Variants in CTDSPL2 observed in about 807,000 individuals in gnomAD.
CTDSPL2 encodes the protein CTD small phosphatase-like protein 2.
Under a neutral mutation model 60.0 loss-of-function variants are expected in CTDSPL2, and 5 were observed. That is an observed-to-expected ratio of 0.08 (90% CI 0.04 to 0.18). The LOEUF (loss-of-function observed/expected upper bound fraction) is 0.18. Among genes scored for constraint, CTDSPL2 ranks in the 10% least tolerant of loss-of-function variants. The pLI is 1.00. For missense variants in CTDSPL2, 370 were observed against 548.8 expected (o/e 0.67, Z 3.26); for synonymous variants, 186 against 189.3 (o/e 0.98, Z 0.14).
intron 8 of CTDSPL2, among the ~76,000 whole-genome samples, chr15:44,500,816 A>G (rs2081371401): frequency 6.6e-6 from 1 of 152,148 alleles, no homozygotes; most frequent in South Asian, 2.1e-4. Flanking sequence ...GAGTTGTAAG[A>G]GGATTTATTT....
At chr15:44,514,244 T>C (rs2081613467) in intron 8 of CTDSPL2, among the ~76,000 whole-genome samples, 1 of 152,228 alleles carries the variant, frequency 6.6e-6, no homozygotes, top group African/African-American at 2.4e-5. Context: ...AATAATTGGA[T>C]GGATGCTACC....
chr15:44,514,630 A>G lies in CTDSPL2; in HGVS notation c.1002A>G (p.Glu334=). The change falls in exon 9 of 13, where the codon GAA becomes GAG. Residue 334 remains glutamate, a synonymous_variant. Transcript: ENST00000260327. ...TGAGATTAAGACCATTTTTCAGGGA[A>G]TTCCTGGAACGAATGTCTCAGATGT... ...VYVRLRPFFR[E]FLERMSQMYE... 1.2e-6 allele frequency: 2 copies of G among 1,609,416 alleles called. No homozygotes were observed. Among genetic ancestry groups the G allele is most frequent in the South Asian group, 1.1e-5 (1 of 90,918 alleles).
At chr15:44,427,849 C>T (rs561657545) in intron 1 of CTDSPL2, 77 bp downstream of exon 1, 2 of 396,138 alleles carry the variant, frequency 5.0e-6, no homozygotes, top group Non-Finnish European at 8.9e-6. Context: ...CTGCCGGGAT[C>T]TCCTCCCCTT....
At chr15:44,439,055 A>G (rs368985005) in intron 1 of CTDSPL2, among the ~76,000 whole-genome samples, 5 of 152,096 alleles carry the variant, frequency 3.3e-5, no homozygotes, top group African/African-American at 1.2e-4. Context: ...TTTTGTGATG[A>G]TGCCTAAATT....
rs146717409 is a variant in CTDSPL2 at position 44,476,760 on chromosome 15, T to C, written c.187-7464T>C. Among the ~76,000 whole-genome samples, 612 of 152,328 alleles carry C rather than the reference T, an allele frequency of 4.0e-3. 15 individuals are homozygous for C. The highest frequency in any genetic ancestry group is 0.038 in the East Asian group (197 of 5,188). ...GTAAATACGCTGTATGATTGTACAGTGATGGAATTGCTAAAGATGCTTTTC... is the reference window on the plus strand; with the variant it reads ...GTAAATACGCTGTATGATTGTACAGCGATGGAATTGCTAAAGATGCTTTTC... On this transcript the variant is annotated intron_variant, in intron 2 of 12. Coordinates refer to ENST00000260327, the MANE Select transcript of CTDSPL2 (RefSeq NM_016396.3).
chr15:44,453,656 A>G (rs1034549670), intron 1 of CTDSPL2, among the ~76,000 whole-genome samples: 1 of 142,642 alleles, frequency 7.0e-6, no homozygotes, highest in East Asian at 2.1e-4. Flanking sequence ...GTTCCCACCT[A>G]TGAGTGAGAA....
At chr15:44,506,025 C>CTTTTTTT (rs753896129) in intron 8 of CTDSPL2, among the ~76,000 whole-genome samples, 86 of 117,576 alleles carry the variant, frequency 7.3e-4, no homozygotes, top group African/African-American at 2.1e-3. Flanking sequence ...TCATTGGTAA[C>CTTTTTTT]TTTTTTTTTT....
chr15:44,511,429 G>A (rs1004977499), intron 8 of CTDSPL2, among the ~76,000 whole-genome samples: 3 of 152,154 alleles, frequency 2.0e-5, no homozygotes, highest in African/African-American at 7.2e-5. Context: ...ACTATGGCTG[G>A]AAAATATTGT....
intron 5 of CTDSPL2, 112 bp downstream of exon 5, chr15:44,491,111 A>C (rs1006171652): frequency 6.5e-6 from 5 of 769,760 alleles, no homozygotes; most frequent in Non-Finnish European, 1.0e-5. Context: ...TTCTTCCTGG[A>C]AGTTAAGAAA....
chr15:44,442,881 T>C (rs1034636351), intron 1 of CTDSPL2, among the ~76,000 whole-genome samples: 2 of 151,708 alleles, frequency 1.3e-5, no homozygotes, highest in Admixed American at 1.3e-4. Context: ...TAGGCTGAGG[T>C]GCGAAGATCG....
Position 44,490,767 on chromosome 15 carries a change from C to T in CTDSPL2, c.476-17C>T. Reference sequence around the variant, plus strand: ...TGCATTTTTAAATGATGATAGTACACTGAATCATGATTTCAGGAACGTCAG... The same window carrying T: ...TGCATTTTTAAATGATGATAGTACATTGAATCATGATTTCAGGAACGTCAG... On this transcript the variant is annotated splice_polypyrimidine_tract_variant and intron_variant, in intron 4 of 12. Coordinates refer to ENST00000260327, the MANE Select transcript of CTDSPL2 (RefSeq NM_016396.3). 1 of 1,598,496 alleles carries T rather than the reference C, an allele frequency of 6.3e-7. No individual in the cohort carries two copies. Among genetic ancestry groups the T allele is most frequent in the Non-Finnish European group, 8.6e-7 (1 of 1,167,388 alleles).
At chr15:44,480,893 G>C (rs191643059) in intron 2 of CTDSPL2, among the ~76,000 whole-genome samples, 21 of 152,290 alleles carry the variant, frequency 1.4e-4, no homozygotes, top group Admixed American at 1.4e-3. Context: ...ACTGTATTTA[G>C]TGAAACAGCT....
At chr15:44,508,958 C>G (rs1006884258) in intron 8 of CTDSPL2, among the ~76,000 whole-genome samples, 2 of 151,968 alleles carry the variant, frequency 1.3e-5, no homozygotes, top group African/African-American at 4.8e-5. Context: ...TTATCTGGGC[C>G]TAAAAATCAT....
intron 1 of CTDSPL2, 111 bp downstream of exon 1, chr15:44,427,883 C>T (rs1376348208): frequency 7.7e-6 from 3 of 390,538 alleles, no homozygotes; most frequent in African/African-American, 4.1e-5. Context: ...TCCAGCGGCT[C>T]TGGCGCCTTG....
chr15:44,486,199 A>G (rs1315301198), intron 3 of CTDSPL2, among the ~76,000 whole-genome samples: 1 of 152,248 alleles, frequency 6.6e-6, no homozygotes, highest in Non-Finnish European at 1.5e-5. Context: ...AAACAAAAAT[A>G]AAATTATTTG....
intron 8 of CTDSPL2, among the ~76,000 whole-genome samples, chr15:44,510,786 ATC>A (rs1351675783): frequency 6.6e-6 from 1 of 152,208 alleles, no homozygotes; most frequent in Non-Finnish European, 1.5e-5. Flanking sequence ...CTATGTGTGC[ATC>A]TGTCTGTTTT....
intron 7 of CTDSPL2, among the ~76,000 whole-genome samples, chr15:44,499,040 G>T (rs191784502): frequency 2.6e-5 from 4 of 152,268 alleles, no homozygotes; most frequent in African/African-American, 7.2e-5. Context: ...GGGTTTAACT[G>T]AAAGTTGGCA....
At chr15:44,515,346 T>G (rs2081631052) in intron 10 of CTDSPL2, among the ~76,000 whole-genome samples, 1 of 152,206 alleles carries the variant, frequency 6.6e-6, no homozygotes, top group Non-Finnish European at 1.5e-5. Context: ...ACTCAGGTTA[T>G]CCTGACTGGA....
At position 44,444,302 on chromosome 15, in the gene CTDSPL2, T is replaced by TACACACACACACAC. The variant is rs59993417; in HGVS notation, c.-24-14663_-24-14650dup. 1.5e-3 allele frequency among the ~76,000 whole-genome samples: 208 copies of TACACACACACACAC among 136,274 alleles called. 2 individuals are homozygous for TACACACACACACAC. Among genetic ancestry groups the TACACACACACACAC allele is most frequent in the African/African-American group, 5.3e-3 (192 of 36,082 alleles). The allele number at this position is 136,274 out of a possible 152,430, so 89.4% of individuals were successfully genotyped here. A position where few individuals can be genotyped will look rare whatever the true frequency, so the allele number is the denominator to read the frequency against. ...AATCCAATGTTATGAGCTTTTCCCATACACACACACACACACACACACACA... is the reference window on the plus strand; with the variant it reads ...AATCCAATGTTATGAGCTTTTCCCATACACACACACACACACACACACACACACACACACACACA... On this transcript the variant is annotated intron_variant, in intron 1 of 12. Transcript: ENST00000260327.
Sources: gnomAD v4.1 joint callset for allele counts (sites outside exome capture counted in the v4.1 genomes callset) on GRCh38, gnomAD v4.1.1 for gene constraint, MANE v1.5 for transcripts, NCBI Gene and HGNC (gene_info 2026-07-23, HGNC 2026-07-21) for gene names.